Variants in ADAMTS3 observed in about 807,000 individuals in gnomAD.
The protein encoded by ADAMTS3 is A disintegrin and metalloproteinase with thrombospondin motifs 3.
ADAMTS3 carries 73 observed loss-of-function variants against 129.0 expected under a neutral mutation model. The observed-to-expected ratio is 0.57, with a 90% CI of 0.47 to 0.69. The LOEUF (loss-of-function observed/expected upper bound fraction) is 0.69. Ranked by LOEUF, ADAMTS3 falls within the 30% of genes least tolerant of loss-of-function variation. The pLI, the probability that ADAMTS3 is intolerant of heterozygous loss-of-function variation, is 0.00. For missense variants in ADAMTS3, 1,457 were observed against 1,514.5 expected, an observed-to-expected ratio of 0.96 and a Z score of 0.63; for synonymous variants, 477 against 510.8, an observed-to-expected ratio of 0.93 and a Z score of 0.89.
chr4:72,564,694 A>C (rs1409663481), intron 2 of ADAMTS3, among the ~76,000 whole-genome samples: 1 of 152,150 alleles, frequency 6.6e-6, no homozygotes, highest in African/African-American at 2.4e-5. Flanking sequence ...AGAAGGAAGG[A>C]GGCAATATCC....
At chr4:72,435,455 A>T (rs892907689) in intron 3 of ADAMTS3, among the ~76,000 whole-genome samples, 2 of 151,932 alleles carry the variant, frequency 1.3e-5, no homozygotes, top group African/African-American at 4.8e-5. Flanking sequence ...TACACTGAAC[A>T]TGTATTTTTT....
chr4:72,392,687 C>T (rs1721627778), intron 4 of ADAMTS3, among the ~76,000 whole-genome samples: 1 of 151,714 alleles, frequency 6.6e-6, no homozygotes, highest in South Asian at 2.1e-4. Flanking sequence ...ACTTCTTTGC[C>T]TAAAGAGGAA....
intron 4 of ADAMTS3, among the ~76,000 whole-genome samples, chr4:72,380,821 G>C (rs1409534182): frequency 6.6e-6 from 1 of 152,150 alleles, no homozygotes; most frequent in Non-Finnish European, 1.5e-5. Flanking sequence ...AAATTCCATA[G>C]AAATACATCA....
In ADAMTS3 at chr4:72,288,732, C is replaced by A. The variant is rs1310107776; in HGVS notation, c.3049+19G>T. 2.0e-6 allele frequency: 3 copies of A among 1,494,830 alleles called. No individual in the cohort carries two copies. The African/African-American group carries it at 4.1e-5, about 21-fold the overall frequency. 92.6% of individuals were successfully genotyped at this position (1,494,830 alleles called of 1,614,324 possible). A position where few individuals can be genotyped will look rare whatever the true frequency, so the allele number is the denominator to read the frequency against. On this transcript the variant is annotated intron_variant, in intron 21 of 21. Coordinates refer to ENST00000286657, the MANE Select transcript of ADAMTS3 (RefSeq NM_014243.3). ...TTTAAAAACATCAGAGCAGTGAAGTCAATTGGTGTGACACCTACCATTACA... is the reference window on the plus strand; with the variant it reads ...TTTAAAAACATCAGAGCAGTGAAGTAAATTGGTGTGACACCTACCATTACA...
intron 3 of ADAMTS3, among the ~76,000 whole-genome samples, chr4:72,511,649 G>C (rs2110034464): frequency 6.6e-6 from 1 of 152,264 alleles, no homozygotes; most frequent in South Asian, 2.1e-4. Flanking sequence ...GGGTACTGTT[G>C]CACACTGTTA....
intron 20 of ADAMTS3, among the ~76,000 whole-genome samples, chr4:72,290,507 G>T (rs1178893555): frequency 1.3e-5 from 2 of 152,166 alleles, no homozygotes; most frequent in African/African-American, 4.8e-5. Flanking sequence ...TTGGAATGAA[G>T]AAAGAATAAG....
intron 5 of ADAMTS3, among the ~76,000 whole-genome samples, chr4:72,331,118 C>T (rs1174379858): frequency 3.3e-5 from 5 of 152,096 alleles, no homozygotes; most frequent in South Asian, 4.1e-4. Flanking sequence ...CAGTAAAAAT[C>T]GAAGGGACCT....
At chr4:72,431,035 CTTT>C (rs763911265) in intron 3 of ADAMTS3, among the ~76,000 whole-genome samples, 7 of 151,736 alleles carry the variant, frequency 4.6e-5, no homozygotes, top group Non-Finnish European at 8.8e-5. Flanking sequence ...ATCAATGATA[CTTT>C]TTTTGTTAGA....
In ADAMTS3 at chr4:72,563,262, C is replaced by A. The variant is rs188772528; in HGVS notation, c.97+4112G>T. ...TGAAGCAGTTAACATTCACCATAAT[C>A]ATGCTCAATGGAGGGACAAAAGATA... On this transcript the variant is annotated intron_variant, in intron 2 of 21. Coordinates refer to ENST00000286657, the MANE Select transcript of ADAMTS3 (RefSeq NM_014243.3). Among the ~76,000 whole-genome samples, 268 of 152,270 alleles carry A rather than the reference C, an allele frequency of 1.8e-3. 2 individuals carry two copies. Among genetic ancestry groups the A allele is most frequent in the African/African-American group, 6.2e-3 (259 of 41,576 alleles).
intron 4 of ADAMTS3, among the ~76,000 whole-genome samples, chr4:72,349,321 GATCA>G (rs1560482318): frequency 6.6e-6 from 1 of 151,874 alleles, no homozygotes; most frequent in Non-Finnish European, 1.5e-5. Context: ...ATACATGATT[GATCA>G]TACTTATAAA....
At chr4:72,526,568 TTATGTGTG>T (rs1305671354) in intron 3 of ADAMTS3, among the ~76,000 whole-genome samples, 39 of 28,132 alleles carry the variant, frequency 1.4e-3, no homozygotes, top group African/African-American at 3.6e-3. Context: ...CTAATGAAAT[TTATGTGTG>T]TGTGTGTGTG....
In ADAMTS3 at chr4:72,282,908, A is replaced by G; in HGVS notation, c.*228T>C. The G allele has an allele frequency of 2.5e-6, 1 of 402,214 alleles. No individual in the cohort carries two copies. The highest frequency in any genetic ancestry group is 4.4e-6 in the Non-Finnish European group (1 of 225,710). The allele number at this position is 402,214 out of a possible 1,614,324, so 24.9% of individuals were successfully genotyped here. A position where few individuals can be genotyped will look rare whatever the true frequency, so the allele number is the denominator to read the frequency against. ...TCTTAGCAACATATTTTTCTTTTGT[A>G]ATAATCTTTGGTGATTTCTTCCAAT... On this transcript the variant is annotated 3_prime_UTR_variant, in exon 22 of 22. Coordinates refer to ENST00000286657, the MANE Select transcript of ADAMTS3 (RefSeq NM_014243.3).
chr4:72,330,722 T>C (rs1282550688), intron 5 of ADAMTS3: 1 of 152,218 alleles, frequency 6.6e-6, no homozygotes, highest in Non-Finnish European at 1.5e-5. Flanking sequence ...GGGTTGATGG[T>C]TGTTTTCAAT....
chr4:72,306,396 T>C (rs1418152065), intron 15 of ADAMTS3, among the ~76,000 whole-genome samples: 5 of 152,044 alleles, frequency 3.3e-5, no homozygotes, highest in African/African-American at 1.2e-4. Flanking sequence ...TGTGTGATTC[T>C]AGTTTTCTAA....
intron 3 of ADAMTS3, among the ~76,000 whole-genome samples, chr4:72,542,257 C>T (rs1396304239): frequency 6.6e-6 from 1 of 152,136 alleles, no homozygotes; most frequent in African/African-American, 2.4e-5. Context: ...CTCCATCTCC[C>T]AGGTTTATGC....
chr4:72,424,698 G>GA (rs11479492), intron 3 of ADAMTS3, among the ~76,000 whole-genome samples: 3 of 151,554 alleles, frequency 2.0e-5, no homozygotes, highest in South Asian at 2.1e-4. Context: ...AGTCTTGGGG[G>GA]AAAAAAAATC....
intron 3 of ADAMTS3, chr4:72,441,870 C>CT (rs1364033796): frequency 6.7e-6 from 1 of 149,732 alleles, no homozygotes; most frequent in Admixed American, 6.6e-5. Context: ...CAGTAAGTGG[C>CT]TACTGATATC....
At chr4:72,438,195 T>C (rs1226348816) in intron 3 of ADAMTS3, among the ~76,000 whole-genome samples, 1 of 151,684 alleles carries the variant, frequency 6.6e-6, no homozygotes, top group Admixed American at 6.6e-5. Flanking sequence ...AAACAAAGTC[T>C]GCTGAAAGAT....
intron 3 of ADAMTS3, among the ~76,000 whole-genome samples, chr4:72,480,223 C>G (rs1449404444): frequency 6.6e-6 from 1 of 152,108 alleles, no homozygotes; most frequent in African/African-American, 2.4e-5. Context: ...ATAAATCATG[C>G]TGCTATAAAG....
Sources: gnomAD v4.1 joint callset for allele counts (sites outside exome capture counted in the v4.1 genomes callset) on GRCh38, gnomAD v4.1.1 for gene constraint, MANE v1.5 for transcripts, NCBI Gene and HGNC (gene_info 2026-07-23, HGNC 2026-07-21) for gene names.